Variants in LRRTM4 observed in about 807,000 individuals in gnomAD.
LRRTM4 encodes the protein leucine-rich repeat transmembrane neuronal protein 4.
LRRTM4 carries 25 observed loss-of-function variants against 47.6 expected under a neutral mutation model. The ratio of observed to expected loss-of-function variants is 0.53; its 90% CI spans 0.38 to 0.73. The LOEUF (loss-of-function observed/expected upper bound fraction) is 0.73, where lower values mean the gene tolerates loss of function less well. Among genes scored for constraint, LRRTM4 ranks in the 30% least tolerant of loss-of-function variants. The probability of loss-of-function intolerance (pLI) is 0.00; values close to 1 mark genes in which losing one functional copy is unlikely to be tolerated. For synonymous variants in LRRTM4, 311 were observed against 269.5 expected (o/e 1.15, Z -1.51); for missense variants, 638 against 713.4 (o/e 0.89, Z 1.20).
chr2:77,379,948 C>G (rs1053165402), intron 3 of LRRTM4, among the ~76,000 whole-genome samples: 3 of 151,940 alleles, frequency 2.0e-5, no homozygotes, highest in African/African-American at 7.2e-5. Context: ...AGTTTCATAA[C>G]AACATATTTA....
intron 3 of LRRTM4, among the ~76,000 whole-genome samples, chr2:76,772,270 C>CTCTTG (rs1165127938): frequency 6.6e-6 from 1 of 152,082 alleles, no homozygotes; most frequent in Admixed American, 6.6e-5. Context: ...TCAGATCAGC[C>CTCTTG]ACCATTTCGA....
intron 3 of LRRTM4, among the ~76,000 whole-genome samples, chr2:76,992,031 A>C (rs1677026383): frequency 6.6e-6 from 1 of 151,906 alleles, no homozygotes; most frequent in Admixed American, 6.6e-5. Context: ...TCAAATTTAA[A>C]AACCATATGC....
chr2:77,464,241 A>G (rs537189385), intron 3 of LRRTM4, among the ~76,000 whole-genome samples: 63 of 152,224 alleles, frequency 4.1e-4, no homozygotes, highest in African/African-American at 1.5e-3. Flanking sequence ...TCTGTGCCAC[A>G]GTATCATGGC....
intron 3 of LRRTM4, among the ~76,000 whole-genome samples, chr2:77,412,873 G>GT (rs1460184492): frequency 6.6e-6 from 1 of 152,010 alleles, no homozygotes; most frequent in Non-Finnish European, 1.5e-5. Context: ...TTGTGACTCA[G>GT]TTTTTTTAGT....
chr2:76,988,192 G>T (rs573102915), intron 3 of LRRTM4, among the ~76,000 whole-genome samples: 5 of 151,666 alleles, frequency 3.3e-5, no homozygotes, highest in African/African-American at 1.2e-4. Flanking sequence ...CAAATGCTTC[G>T]TCTTCCTATT....
chr2:77,182,705 T>C (rs549781671), intron 3 of LRRTM4, among the ~76,000 whole-genome samples: 1 of 152,138 alleles, frequency 6.6e-6, no homozygotes, highest in African/African-American at 2.4e-5. Flanking sequence ...CTTCCAACAC[T>C]ATGTTGAATA....
At chr2:77,268,692 T>C (rs1676116067) in intron 3 of LRRTM4, among the ~76,000 whole-genome samples, 1 of 152,106 alleles carries the variant, frequency 6.6e-6, no homozygotes, top group South Asian at 2.1e-4. Context: ...ATTTTAACTC[T>C]ATGAAAACAA....
intron 3 of LRRTM4, among the ~76,000 whole-genome samples, chr2:77,196,116 G>A (rs1018953661): frequency 1.3e-5 from 2 of 152,092 alleles, no homozygotes; most frequent in Non-Finnish European, 2.9e-5. Context: ...TATTTGTTTG[G>A]TTATTGTCAT....
chr2:77,301,773 T>C (rs1002946661), intron 3 of LRRTM4, among the ~76,000 whole-genome samples: 32 of 152,192 alleles, frequency 2.1e-4, no homozygotes, highest in African/African-American at 7.5e-4. Flanking sequence ...AATAGTATCC[T>C]ATTCTCTTTA....
intron 3 of LRRTM4, among the ~76,000 whole-genome samples, chr2:76,811,465 G>C (rs893429085): frequency 1.3e-5 from 2 of 152,134 alleles, no homozygotes; most frequent in Non-Finnish European, 2.9e-5. Flanking sequence ...AGCTGTCTGA[G>C]AATTCAGAGG....
intron 3 of LRRTM4, among the ~76,000 whole-genome samples, chr2:77,321,804 G>A (rs1042642150): frequency 2.6e-5 from 4 of 152,032 alleles, no homozygotes; most frequent in African/African-American, 9.7e-5. Flanking sequence ...TCAAAAATAT[G>A]GCAAGGTATT....
At chr2:76,780,483 C>T (rs919597367) in intron 3 of LRRTM4, among the ~76,000 whole-genome samples, 2 of 151,992 alleles carry the variant, frequency 1.3e-5, no homozygotes, top group African/African-American at 4.8e-5. Context: ...TTCCTCTAAA[C>T]CCCTTCTCGC....
At chr2:77,344,485 T>G (rs1218634312) in intron 3 of LRRTM4, among the ~76,000 whole-genome samples, 3 of 151,724 alleles carry the variant, frequency 2.0e-5, no homozygotes, top group Non-Finnish European at 2.9e-5. Context: ...TGTAATAAAA[T>G]TACTCAGTCA....
intron 3 of LRRTM4, among the ~76,000 whole-genome samples, chr2:76,935,160 A>T (rs1674900817): frequency 6.6e-6 from 1 of 152,188 alleles, no homozygotes. Context: ...GTGTAGTGTA[A>T]GTAATGGGAC....
intron 3 of LRRTM4, among the ~76,000 whole-genome samples, chr2:77,431,850 C>A (rs939288231): frequency 1.4e-5 from 2 of 144,166 alleles, no homozygotes; most frequent in Non-Finnish European, 2.9e-5. Flanking sequence ...CTGAGGAGGG[C>A]GGATCATGAG....
chr2:77,347,428 T>C (rs1240772858), intron 3 of LRRTM4, among the ~76,000 whole-genome samples: 1 of 152,182 alleles, frequency 6.6e-6, no homozygotes, highest in African/African-American at 2.4e-5. Context: ...ATTGGACTAT[T>C]TATTTATATC....
intron 3 of LRRTM4, among the ~76,000 whole-genome samples, chr2:77,449,613 C>T (rs1194539896): frequency 6.6e-6 from 1 of 152,148 alleles, no homozygotes; most frequent in Non-Finnish European, 1.5e-5. Flanking sequence ...CAGTTTGAAG[C>T]ACCCTCCACC....
chr2:77,017,788 T>A (rs1330412523), intron 3 of LRRTM4, among the ~76,000 whole-genome samples: 1 of 143,642 alleles, frequency 7.0e-6, no homozygotes, highest in African/African-American at 3.0e-5. Context: ...CTCCTAACTT[T>A]ATTTGATTAA....
At chr2:77,033,952 G>C (rs879748953) in intron 3 of LRRTM4, among the ~76,000 whole-genome samples, 16 of 151,768 alleles carry the variant, frequency 1.1e-4, no homozygotes, top group Non-Finnish European at 1.6e-4. Context: ...CAGAATATCT[G>C]AGGCTGAAAC....
Sources: gnomAD v4.1 joint callset for allele counts (sites outside exome capture counted in the v4.1 genomes callset) on GRCh38, gnomAD v4.1.1 for gene constraint, MANE v1.5 for transcripts, NCBI Gene and HGNC (gene_info 2026-07-23, HGNC 2026-07-21) for gene names.